Variants in PAPPA observed in about 807,000 individuals in gnomAD.
PAPPA encodes the protein pappalysin 1.
PAPPA carries 60 observed loss-of-function variants against 164.0 expected under a neutral mutation model. The ratio of observed to expected loss-of-function variants is 0.37; its 90% CI spans 0.30 to 0.45. The LOEUF is 0.45. PAPPA is among the 20% of genes least tolerant of loss of function. The pLI is 1.00. For synonymous variants in PAPPA, 875 were observed against 814.1 expected (o/e 1.07, Z -1.27); for missense variants, 1,782 against 2,087.3 (o/e 0.85, Z 2.85).
chr9:116,380,523 G>A (rs182265728), intron 20 of PAPPA, among the ~76,000 whole-genome samples: 3 of 152,200 alleles, frequency 2.0e-5, no homozygotes, highest in Admixed American at 2.0e-4. Context: ...TCATTATTCT[G>A]TTCATTTATT....
intron 7 of PAPPA, among the ~76,000 whole-genome samples, chr9:116,256,610 C>T (rs554987289): frequency 1.3e-5 from 2 of 151,712 alleles, no homozygotes; most frequent in Non-Finnish European, 2.9e-5. Flanking sequence ...AAATATGTTA[C>T]TGTGATTTAA....
chr9:116,315,349 G>T (rs578061266), intron 10 of PAPPA, among the ~76,000 whole-genome samples: 1 of 152,130 alleles, frequency 6.6e-6, no homozygotes, highest in South Asian at 2.1e-4. Context: ...CTCACCCCCG[G>T]AATGTTCACT....
chr9:116,250,011 A>ATG (rs1491402770), intron 7 of PAPPA, among the ~76,000 whole-genome samples: 4 of 129,406 alleles, frequency 3.1e-5, no homozygotes, highest in South Asian at 2.7e-4. Context: ...GAGTACCTGC[A>ATG]TATGTGTGTG....
rs773311305 is a variant in PAPPA at position 116,271,294 on chromosome 9, G to A, written c.2862-31G>A. The A allele has an allele frequency of 3.2e-6, 5 of 1,541,436 alleles. No homozygotes were observed. The South Asian group carries it at 4.5e-5, about 14-fold the overall frequency. ...CCAGCCATGGTTTTAAGACTAAATTGGCAAATTTCTCTTCCATATCTGCTC... is the reference window on the plus strand; with the variant it reads ...CCAGCCATGGTTTTAAGACTAAATTAGCAAATTTCTCTTCCATATCTGCTC... On this transcript the variant is annotated intron_variant, in intron 8 of 21. Coordinates refer to ENST00000328252, the MANE Select transcript of PAPPA (RefSeq NM_002581.5). The surrounding 1 kb of genome is among the most constrained non-coding windows in gnomAD (Gnocchi z 4.2).
At chr9:116,334,586 G>T (rs1846035523) in intron 12 of PAPPA, among the ~76,000 whole-genome samples, 1 of 152,116 alleles carries the variant, frequency 6.6e-6, no homozygotes, top group South Asian at 2.1e-4. Context: ...TGGCTGAGGG[G>T]TGGCCATTTG....
At chr9:116,377,670 C>T in intron 20 of PAPPA, 23 bp downstream of exon 20, 1 of 1,548,802 alleles carries the variant, frequency 6.5e-7, no homozygotes, top group South Asian at 1.1e-5. Context: ...GAAGGCACTC[C>T]TCAGTTCCCT....
chr9:116,310,661 A>C (rs1457351973), intron 10 of PAPPA, among the ~76,000 whole-genome samples: 2 of 152,144 alleles, frequency 1.3e-5, no homozygotes, highest in East Asian at 3.9e-4. Context: ...TCTTCTATTC[A>C]TCCTTTGGTC....
At chr9:116,293,653 T>A (rs772692201) in intron 9 of PAPPA, among the ~76,000 whole-genome samples, 4 of 151,994 alleles carry the variant, frequency 2.6e-5, no homozygotes, top group Non-Finnish European at 5.9e-5. Context: ...TTTGTAGGAG[T>A]CTATGAAGTA....
intron 13 of PAPPA, among the ~76,000 whole-genome samples, chr9:116,343,488 G>A (rs1215123006): frequency 2.6e-5 from 4 of 152,152 alleles, no homozygotes; most frequent in Non-Finnish European, 5.9e-5. Context: ...AGAACGGGTG[G>A]AATTCAGACT....
At chr9:116,279,028 A>T (rs1462293098) in intron 9 of PAPPA, among the ~76,000 whole-genome samples, 1 of 152,162 alleles carries the variant, frequency 6.6e-6, no homozygotes, top group Non-Finnish European at 1.5e-5. Flanking sequence ...CCAAATCCTG[A>T]TGCTAAATTA....
chr9:116,184,531 G>A (rs1843946869), intron 1 of PAPPA, among the ~76,000 whole-genome samples: 1 of 151,978 alleles, frequency 6.6e-6, no homozygotes, highest in Admixed American at 6.6e-5. Context: ...TCTTAACAAT[G>A]AACTCTCATT....
intron 7 of PAPPA, among the ~76,000 whole-genome samples, chr9:116,258,888 C>T (rs1844967777): frequency 6.6e-6 from 1 of 152,134 alleles, no homozygotes; most frequent in South Asian, 2.1e-4. Context: ...AATCCCAACA[C>T]TTTGGGAGGC....
At chr9:116,366,535 T>G (rs968809979) in intron 18 of PAPPA, among the ~76,000 whole-genome samples, 1 of 152,234 alleles carries the variant, frequency 6.6e-6, no homozygotes, top group Non-Finnish European at 1.5e-5. Context: ...TCAGTCATCA[T>G]GCCATTCATT....
At chr9:116,165,590 C>A (rs894084046) in intron 1 of PAPPA, among the ~76,000 whole-genome samples, 1 of 152,192 alleles carries the variant, frequency 6.6e-6, no homozygotes, top group Non-Finnish European at 1.5e-5. Context: ...CCCCTTCAAC[C>A]TGCCCACCAA....
chr9:116,185,326 G>A (rs531405779), intron 1 of PAPPA, among the ~76,000 whole-genome samples: 37 of 152,198 alleles, frequency 2.4e-4, no homozygotes, highest in Non-Finnish European at 4.4e-4. Context: ...GAGGAGAGGT[G>A]TAGATTGGCA....
intron 18 of PAPPA, among the ~76,000 whole-genome samples, chr9:116,363,782 C>T (rs755560699): frequency 2.0e-5 from 3 of 152,192 alleles, no homozygotes; most frequent in Admixed American, 6.5e-5. Context: ...TGTCCAGAAG[C>T]AAGGCCTGTG....
intron 16 of PAPPA, among the ~76,000 whole-genome samples, 164 bp from the exon 17 acceptor site, chr9:116,353,458 A>C (rs1846310556): frequency 1.3e-5 from 2 of 152,188 alleles, no homozygotes; most frequent in African/African-American, 2.4e-5. Flanking sequence ...TCTGTGGATG[A>C]ATTATCCTTA....
intron 9 of PAPPA, among the ~76,000 whole-genome samples, chr9:116,295,919 A>G (rs1450335298): frequency 2.0e-5 from 3 of 152,196 alleles, no homozygotes; most frequent in African/African-American, 7.2e-5. Context: ...ATGTTAGTAT[A>G]TTGATTAAAT....
intron 10 of PAPPA, among the ~76,000 whole-genome samples, chr9:116,322,559 C>A (rs1845871765): frequency 6.6e-6 from 1 of 152,132 alleles, no homozygotes; most frequent in Non-Finnish European, 1.5e-5. Flanking sequence ...TGTCCAGGTT[C>A]CCTGAGGCCC....
Sources: allele counts gnomAD v4.1 joint callset (sites outside exome capture counted in the v4.1 genomes callset), GRCh38; gene constraint gnomAD v4.1.1; non-coding constraint Gnocchi (gnomAD v3.1); transcripts MANE v1.5; gene names NCBI Gene and HGNC (gene_info 2026-07-23, HGNC 2026-07-21).